Variants in AGAP3 observed in about 807,000 individuals in gnomAD.
AGAP3 encodes the protein ArfGAP with GTPase domain, ankyrin repeat and PH domain 3, also known as arf-GAP with GTPase, ANK repeat and PH domain-containing protein 3.
AGAP3 carries 24 observed loss-of-function variants against 96.9 expected under a neutral mutation model. That is an observed-to-expected ratio of 0.25 (90% confidence interval 0.18 to 0.35). The LOEUF (loss-of-function observed/expected upper bound fraction) is 0.35, where lower values mean the gene tolerates loss of function less well. Among genes scored for constraint, AGAP3 ranks in the 10% least tolerant of loss-of-function variants. The probability of loss-of-function intolerance (pLI) is 1.00; values close to 1 mark genes in which losing one functional copy is unlikely to be tolerated. For missense variants in AGAP3, 876 were observed against 1,254.2 expected (o/e 0.70, Z 4.55); for synonymous variants, 563 against 536.1 (o/e 1.05, Z -0.69).
At position 151,128,567 on chromosome 7, in the gene AGAP3, C is replaced by T; in HGVS notation, c.1222-13C>T. ...GGCTGGCTCCTGGTTTCTGATCAGA[C>T]CTCTGTTCTCAGGGGATCCTGCTAA... On this transcript the variant is annotated splice_polypyrimidine_tract_variant and intron_variant, in intron 9 of 17. Transcript: ENST00000397238. The T allele has an allele frequency of 1.9e-6, 3 of 1,612,588 alleles. No homozygotes were observed. The highest frequency in any genetic ancestry group is 2.5e-6 in the Non-Finnish European group (3 of 1,179,000).
At chr7:151,111,301 CT>C (rs1282681323) in intron 1 of AGAP3, among the ~76,000 whole-genome samples, 2 of 152,194 alleles carry the variant, frequency 1.3e-5, no homozygotes, top group Non-Finnish European at 2.9e-5. Flanking sequence ...CACCTGGCTG[CT>C]GGTGGTTCTG....
intron 1 of AGAP3, among the ~76,000 whole-genome samples, chr7:151,099,695 A>C (rs1238392381): frequency 6.6e-6 from 1 of 152,238 alleles, no homozygotes; most frequent in Admixed American, 6.5e-5. Flanking sequence ...GTCAGTCAGC[A>C]TCTTGACCAC....
At chr7:151,122,316 T>G (rs1241279550) in intron 8 of AGAP3, among the ~76,000 whole-genome samples, 5 of 151,758 alleles carry the variant, frequency 3.3e-5, no homozygotes, top group Non-Finnish European at 7.4e-5. Flanking sequence ...TGCCCGGTTC[T>G]CCTTGTTCCC....
In AGAP3 at chr7:151,118,657, C is replaced by A. The variant is rs1434959361; in HGVS notation, c.969+25C>A. On this transcript the variant is annotated intron_variant, in intron 7 of 17. Transcript: ENST00000397238. This position sits in a 1 kb window ranked among gnomAD's most constrained non-coding sequence, Gnocchi z 6.1. ...GGTTCGGCCTGTGCCCCGCCCTGCC[C>A]TTCCTGTCCCCACCATGTCTGTCTT... The A allele has an allele frequency of 6.2e-7, 1 of 1,606,436 alleles. No homozygotes were observed. The highest frequency in any genetic ancestry group is 8.5e-7 in the Non-Finnish European group (1 of 1,178,032).
At chr7:151,102,176 T>C (rs899925490) in intron 1 of AGAP3, among the ~76,000 whole-genome samples, 1 of 152,170 alleles carries the variant, frequency 6.6e-6, no homozygotes, top group Non-Finnish European at 1.5e-5. Flanking sequence ...CCTCAGAGCA[T>C]GTGCTGAGGG....
chr7:151,143,990 G>T lies in AGAP3; in HGVS notation c.*47G>T. ...GGCCAGAAGGACTCCATGGCCCAAAGACCCTCCTCCCTGCAGGCACTGTGG... is the reference window on the plus strand; with the variant it reads ...GGCCAGAAGGACTCCATGGCCCAAATACCCTCCTCCCTGCAGGCACTGTGG... On this transcript the variant is annotated 3_prime_UTR_variant, in exon 18 of 18. Coordinates refer to ENST00000397238, the MANE Select transcript of AGAP3 (RefSeq NM_031946.7). The surrounding 1 kb of genome is among the most constrained non-coding windows in gnomAD (Gnocchi z 5.9). The T allele has an allele frequency of 6.4e-7, 1 of 1,563,656 alleles. No individual in the cohort carries two copies.
rs1234582164 is a variant in AGAP3, at chr7:151,120,059, C to T, written c.1042C>T (p.Arg348Trp). 5 of 1,613,888 alleles carry T rather than the reference C, an allele frequency of 3.1e-6. No individual in the cohort carries two copies. Among genetic ancestry groups the T allele is most frequent in the East Asian group, 2.2e-5 (1 of 44,872 alleles). ...CCCCTCCACCCCCAGCATCAGCCAG[C>T]GGGAGCTGCGCATCGAGACCATCGC... is the stretch of plus-strand genomic sequence containing the variant. ...SVPSTPSISQ[R>W]ELRIETIAAS... The change falls in exon 8 of 18, where the codon CGG becomes TGG. Residue 348 changes from arginine to tryptophan, a missense_variant. Transcript: ENST00000397238.
intron 1 of AGAP3, among the ~76,000 whole-genome samples, chr7:151,104,966 G>T (rs573464556): frequency 1.1e-4 from 17 of 152,310 alleles, no homozygotes; most frequent in Non-Finnish European, 1.9e-4. Flanking sequence ...TGCCCCTGGC[G>T]GGGCGGTTTG....
chr7:151,125,029 C>T (rs1023191140), intron 9 of AGAP3, among the ~76,000 whole-genome samples: 4 of 152,208 alleles, frequency 2.6e-5, no homozygotes, highest in Admixed American at 6.5e-5. Flanking sequence ...TGTTCGTTCG[C>T]GGAGTGCGTG....
rs1465836089 is a variant in AGAP3, at chr7:151,123,855, T to C, written c.1190T>C (p.Ile397Thr). 3.7e-6 allele frequency: 6 copies of C among 1,611,326 alleles called. No individual in the cohort carries two copies. The highest frequency in any genetic ancestry group is 1.3e-5 in the African/African-American group (1 of 74,902). ...KKAAECKVDSIGSGRAIPIKQ... is the reference protein window; with the variant it reads ...KKAAECKVDSTGSGRAIPIKQ... ...GCTGCCGAGTGCAAGGTGGACAGCA[T>C]CGGGAGCGGCCGCGCCATCCCCATC... The change falls in exon 9 of 18, where the codon ATC becomes ACC. Residue 397 changes from isoleucine (I) to threonine (T), a missense_variant. Around this residue, in one of 8 missense-constraint regions of AGAP3, gnomAD observed 49 missense variants for 41.7 expected, o/e 1.17. Coordinates refer to ENST00000397238, the MANE Select transcript of AGAP3 (RefSeq NM_031946.7).
rs770920056 is a variant in AGAP3, at chr7:151,086,861, G to A, written c.120G>A (p.Gly40=). The change falls in exon 1 of 18, where the codon GGG becomes GGA. Residue 40 remains glycine, a synonymous_variant. Transcript: ENST00000397238. ...LVCGGQFGGA[G]PGAGGGGGPS... ...GCGGCGGGCAGTTCGGCGGCGCGGG[G>A]CCCGGGGCCGGGGGCGGCGGCGGCC... 1 of 1,122,834 alleles carries A rather than the reference G, an allele frequency of 8.9e-7. No homozygotes were observed. The highest frequency in any genetic ancestry group is 3.9e-5 in the South Asian group (1 of 25,566). The allele number at this position is 1,122,834 out of a possible 1,614,324, so 69.6% of individuals were successfully genotyped here.
intron 1 of AGAP3, among the ~76,000 whole-genome samples, chr7:151,113,915 G>A (rs769258582): frequency 6.6e-6 from 1 of 152,124 alleles, no homozygotes; most frequent in Non-Finnish European, 1.5e-5. Context: ...AGCCAGTACC[G>A]CAGGCTACCA....
intron 9 of AGAP3, among the ~76,000 whole-genome samples, chr7:151,125,068 C>G (rs140690458): frequency 2.6e-5 from 4 of 152,144 alleles, no homozygotes; most frequent in Non-Finnish European, 4.4e-5. Context: ...CAGGACAGAC[C>G]CTGCACAAAC....
intron 8 of AGAP3, among the ~76,000 whole-genome samples, chr7:151,121,406 CTG>C (rs1799885936): frequency 6.6e-6 from 1 of 152,176 alleles, no homozygotes; most frequent in African/African-American, 2.4e-5. Flanking sequence ...TTAGGTGCCT[CTG>C]TCCACGGTGC....
chr7:151,109,165 T>TG (rs369681040), intron 1 of AGAP3, among the ~76,000 whole-genome samples: 1 of 136,258 alleles, frequency 7.3e-6, no homozygotes, highest in Non-Finnish European at 1.6e-5. Context: ...CCCACCTCTG[T>TG]AAAAAAAAAA....
chr7:151,142,095 G>C lies in AGAP3; in HGVS notation c.1959+43G>C, dbSNP rs963760768. The C allele has an allele frequency of 6.2e-7, 1 of 1,607,828 alleles. No homozygotes were observed. Among genetic ancestry groups the C allele is most frequent in the East Asian group, 2.2e-5 (1 of 44,762 alleles). Reference sequence around the variant, plus strand: ...GGGCCCACACAGAGCACCTGGCTGGGGTGGGACTGAAAGGGGCCTCATGAC... The same window carrying C: ...GGGCCCACACAGAGCACCTGGCTGGCGTGGGACTGAAAGGGGCCTCATGAC... On this transcript the variant is annotated intron_variant, in intron 14 of 17. Transcript: ENST00000397238. This position sits in a 1 kb window ranked among gnomAD's most constrained non-coding sequence, Gnocchi z 7.5.
chr7:151,102,255 A>C (rs991851766), intron 1 of AGAP3, among the ~76,000 whole-genome samples: 2 of 152,240 alleles, frequency 1.3e-5, no homozygotes, highest in African/African-American at 4.8e-5. Flanking sequence ...GTGAGCCTGC[A>C]GCCCAGTAGG....
intron 1 of AGAP3, among the ~76,000 whole-genome samples, chr7:151,099,668 C>T (rs564292939): frequency 1.1e-3 from 166 of 152,344 alleles, no homozygotes; most frequent in African/African-American, 3.9e-3. Flanking sequence ...GGCACCGGGA[C>T]CGGGCCGCTG....
chr7:151,139,891 A>G lies in AGAP3; in HGVS notation c.1667-88A>G. 7.9e-7 allele frequency: 1 copy of G among 1,272,692 alleles called. No individual in the cohort carries two copies. Among genetic ancestry groups the G allele is most frequent in the Non-Finnish European group, 1.0e-6 (1 of 973,460 alleles). 78.8% of individuals were successfully genotyped at this position (1,272,692 alleles called of 1,614,324 possible). ...GTGTGGCCCAGCTACAGTTGGCAGG[A>G]CTGGTCCTCTCCTCCTCCCAGTGCC... On this transcript the variant is annotated intron_variant, in intron 12 of 17. Coordinates refer to ENST00000397238, the MANE Select transcript of AGAP3 (RefSeq NM_031946.7). The surrounding 1 kb of genome is among the most constrained non-coding windows in gnomAD (Gnocchi z 4.9).
Sources: gnomAD v4.1 joint callset for allele counts (sites outside exome capture counted in the v4.1 genomes callset) on GRCh38, gnomAD v4.1.1 for gene constraint, gnomAD v4.1.1 regional missense constraint, Gnocchi (gnomAD v3.1) non-coding constraint, MANE v1.5 for transcripts, NCBI Gene and HGNC (gene_info 2026-07-23, HGNC 2026-07-21) for gene names.